Variants in SRGAP3 observed in about 807,000 individuals in gnomAD.
SRGAP3 encodes SLIT-ROBO Rho GTPase activating protein 3.
SRGAP3 carries 39 observed loss-of-function variants against 121.1 expected under a neutral mutation model. The observed-to-expected ratio is 0.32, with a 90% CI of 0.25 to 0.42. The LOEUF is 0.42. Among genes scored for constraint, SRGAP3 ranks in the 10% least tolerant of loss-of-function variants. The pLI is 1.00. For synonymous variants in SRGAP3, 601 were observed against 570.0 expected (o/e 1.05, Z -0.77); for missense variants, 1,213 against 1,470.6 (o/e 0.82, Z 2.86).
chr3:9,209,207 T>A (rs1230075780), intron 1 of SRGAP3, among the ~76,000 whole-genome samples: 2 of 152,166 alleles, frequency 1.3e-5, no homozygotes, highest in East Asian at 3.8e-4. Context: ...CTAACACATA[T>A]GATTACTTAA....
At chr3:9,220,080 T>C (rs1328426420) in intron 1 of SRGAP3, among the ~76,000 whole-genome samples, 1 of 152,038 alleles carries the variant, frequency 6.6e-6, no homozygotes, top group African/African-American at 2.4e-5. Context: ...GGTACAAACA[T>C]ATATTTAGAT....
intron 7 of SRGAP3, 90 bp from the exon 8 acceptor site, chr3:9,056,424 C>G: frequency 7.3e-7 from 1 of 1,366,380 alleles, no homozygotes; most frequent in Non-Finnish European, 1.0e-6. Context: ...ACATCCCAAT[C>G]ACAGTCCAGG....
chr3:9,127,135 A>C (rs1432744038), intron 1 of SRGAP3, among the ~76,000 whole-genome samples: 1 of 151,846 alleles, frequency 6.6e-6, no homozygotes, highest in Non-Finnish European at 1.5e-5. Context: ...CAGCCTGGGA[A>C]ACATAGGGAG....
chr3:9,001,232 A>G (rs1291608966), intron 18 of SRGAP3, among the ~76,000 whole-genome samples: 1 of 152,206 alleles, frequency 6.6e-6, no homozygotes, highest in Non-Finnish European at 1.5e-5. Context: ...GGAATAGAGG[A>G]GATGTTGAAT....
intron 3 of SRGAP3, among the ~76,000 whole-genome samples, chr3:9,320,147 G>T (rs1187993415): frequency 6.6e-6 from 1 of 151,928 alleles, no homozygotes; most frequent in African/African-American, 2.4e-5. Flanking sequence ...AGGAGACATG[G>T]CCCTCTGGGC....
At chr3:9,060,509 C>T (rs1946103142) in intron 5 of SRGAP3, 150 bp from the exon 6 acceptor site, 4 of 1,087,606 alleles carry the variant, frequency 3.7e-6, no homozygotes, top group Non-Finnish European at 2.6e-6. Context: ...TCACTTCAGC[C>T]TTAACTCCTG....
chr3:9,021,633 A>G (rs1943926648), intron 14 of SRGAP3, among the ~76,000 whole-genome samples: 1 of 152,202 alleles, frequency 6.6e-6, no homozygotes, highest in African/African-American at 2.4e-5. Flanking sequence ...CTCAAGGAAA[A>G]GAAAACCATG....
intron 3 of SRGAP3, among the ~76,000 whole-genome samples, chr3:9,301,855 T>C (rs915820543): frequency 1.3e-5 from 2 of 152,216 alleles, no homozygotes; most frequent in African/African-American, 2.4e-5. Context: ...TGCGGATTAA[T>C]TGAGATCATG....
chr3:9,228,829 G>A (rs1215227719), intron 1 of SRGAP3, among the ~76,000 whole-genome samples: 9 of 151,886 alleles, frequency 5.9e-5, no homozygotes, highest in Non-Finnish European at 1.3e-4. Context: ...TTGGGAGGCC[G>A]AGGCGGGTGG....
chr3:9,287,838 T>C (rs569318578), intron 3 of SRGAP3, among the ~76,000 whole-genome samples: 17 of 152,372 alleles, frequency 1.1e-4, no homozygotes, highest in African/African-American at 4.1e-4. Flanking sequence ...CATCGTTCTT[T>C]AGAGGTCATC....
chr3:9,083,142 C>A (rs1947315070), intron 3 of SRGAP3, among the ~76,000 whole-genome samples: 1 of 152,150 alleles, frequency 6.6e-6, no homozygotes, highest in African/African-American at 2.4e-5. Context: ...CCCCTGTGGC[C>A]CCTCCCCCTG....
At chr3:9,307,852 G>A (rs1955182808) in intron 3 of SRGAP3, among the ~76,000 whole-genome samples, 1 of 152,160 alleles carries the variant, frequency 6.6e-6, no homozygotes, top group Non-Finnish European at 1.5e-5. Flanking sequence ...CATAAAATGG[G>A]GTTTAAAAAG....
At chr3:9,176,634 C>A (rs1374767920) in intron 1 of SRGAP3, among the ~76,000 whole-genome samples, 1 of 152,164 alleles carries the variant, frequency 6.6e-6, no homozygotes, top group African/African-American at 2.4e-5. Context: ...ATGGTGGCAC[C>A]TGCTTCTGGG....
chr3:9,151,435 G>A (rs1950206668), intron 1 of SRGAP3, among the ~76,000 whole-genome samples: 1 of 152,186 alleles, frequency 6.6e-6, no homozygotes, highest in South Asian at 2.1e-4. Flanking sequence ...AGAAGAGGTT[G>A]AACTTTGTCC....
At chr3:9,241,450 G>A (rs145693092) in intron 1 of SRGAP3, among the ~76,000 whole-genome samples, 110 of 152,342 alleles carry the variant, frequency 7.2e-4, no homozygotes, top group African/African-American at 2.5e-3. Context: ...CTGGAAGGAA[G>A]TGCTCCCTAG....
intron 3 of SRGAP3, among the ~76,000 whole-genome samples, chr3:9,273,748 G>T (rs79306969): frequency 0.025 from 3,792 of 151,240 alleles, 149 homozygotes; most frequent in African/African-American, 0.087. Flanking sequence ...GAACTATTTG[G>T]AGTTAATTTT....
chr3:9,213,858 T>C (rs1030823556), intron 1 of SRGAP3, among the ~76,000 whole-genome samples: 3 of 152,180 alleles, frequency 2.0e-5, no homozygotes, highest in Admixed American at 6.5e-5. Flanking sequence ...CCTAAGCTTG[T>C]TGTTCCCACC....
chr3:9,282,706 T>C (rs569476483), intron 3 of SRGAP3, among the ~76,000 whole-genome samples: 44 of 152,158 alleles, frequency 2.9e-4, no homozygotes, highest in African/African-American at 9.6e-4. Flanking sequence ...GGTCTCGAAC[T>C]CCTGACCTCA....
chr3:9,251,845 C>A (rs1196851827), upstream of SRGAP3, among the ~76,000 whole-genome samples: 5 of 152,114 alleles, frequency 3.3e-5, no homozygotes, highest in African/African-American at 4.8e-5. Context: ...CTGCTGTGCA[C>A]CAGCTGTGTG....
Sources: allele counts gnomAD v4.1 joint callset (sites outside exome capture counted in the v4.1 genomes callset), GRCh38; gene constraint gnomAD v4.1.1; transcripts MANE v1.5; gene names NCBI Gene and HGNC (gene_info 2026-07-23, HGNC 2026-07-21).